The following B3GALT1 variants were observed in gnomAD, a reference collection of about 807,000 sequenced individuals.
The protein encoded by B3GALT1 is beta-1,3-galactosyltransferase 1.
A neutral mutation model predicts 23.2 loss-of-function variants in B3GALT1; 10 were observed. That is an observed-to-expected ratio of 0.43 (90% confidence interval 0.27 to 0.73). B3GALT1 has a LOEUF of 0.73. B3GALT1 is among the 30% of genes least tolerant of loss of function. The pLI is 0.21. For synonymous variants in B3GALT1, 156 were observed against 141.5 expected (o/e 1.10, Z -0.73); for missense variants, 299 against 405.4 (o/e 0.74, Z 2.25).
chr2:167,716,225 C>A (rs1041742567), intron 3 of B3GALT1, among the ~76,000 whole-genome samples: 3 of 152,208 alleles, frequency 2.0e-5, no homozygotes, highest in Admixed American at 6.5e-5. Flanking sequence ...ATGCGGGCAC[C>A]CCCCACAGGC....
intron 3 of B3GALT1, among the ~76,000 whole-genome samples, chr2:167,753,269 C>A (rs1381979094): frequency 6.6e-6 from 1 of 152,112 alleles, no homozygotes; most frequent in East Asian, 1.9e-4. Flanking sequence ...AGAGCAATAC[C>A]CAGAGCCATG....
At chr2:167,456,728 G>A (rs886494216) in intron 1 of B3GALT1, among the ~76,000 whole-genome samples, 1 of 152,032 alleles carries the variant, frequency 6.6e-6, no homozygotes, top group Non-Finnish European at 1.5e-5. Flanking sequence ...TACAACGCAA[G>A]AACAGTCAAA....
At chr2:167,837,671 G>T (rs1352889864) in intron 4 of B3GALT1, among the ~76,000 whole-genome samples, 103 of 149,508 alleles carry the variant, frequency 6.9e-4, no homozygotes, top group Admixed American at 6.8e-3. Flanking sequence ...TCTGCACCAA[G>T]CGGACCTAAT....
chr2:167,785,875 T>C (rs1010283536), intron 3 of B3GALT1, among the ~76,000 whole-genome samples: 1 of 152,202 alleles, frequency 6.6e-6, no homozygotes, highest in Admixed American at 6.5e-5. Flanking sequence ...AAGCCCTCTG[T>C]TGGAGGTTGA....
chr2:167,575,153 A>C (rs2105402932), intron 2 of B3GALT1, among the ~76,000 whole-genome samples: 1 of 151,930 alleles, frequency 6.6e-6, no homozygotes, highest in Middle Eastern at 3.4e-3. Context: ...AGGATGAAAT[A>C]AGTAATACAT....
At chr2:167,555,709 A>G (rs1357487973) in intron 2 of B3GALT1, among the ~76,000 whole-genome samples, 4 of 152,176 alleles carry the variant, frequency 2.6e-5, no homozygotes, top group African/African-American at 9.7e-5. Flanking sequence ...GAACTTGAGC[A>G]TGTCACATTG....
chr2:167,494,053 G>A (rs1385099559), intron 2 of B3GALT1, among the ~76,000 whole-genome samples: 1 of 152,056 alleles, frequency 6.6e-6, no homozygotes, highest in Non-Finnish European at 1.5e-5. Context: ...GAAACCAAGA[G>A]AGTATGCCAA....
chr2:167,531,322 G>A (rs1040299572), intron 2 of B3GALT1, among the ~76,000 whole-genome samples: 14 of 152,140 alleles, frequency 9.2e-5, no homozygotes, highest in Admixed American at 9.2e-4. Flanking sequence ...AGGGGATAGA[G>A]CAGAAAGGAT....
intron 3 of B3GALT1, among the ~76,000 whole-genome samples, chr2:167,719,633 T>C (rs1423892350): frequency 6.6e-6 from 1 of 152,076 alleles, no homozygotes; most frequent in African/African-American, 2.4e-5. Flanking sequence ...ACAAAGGTGA[T>C]AGATAAGAAA....
chr2:167,415,630 A>T (rs1446851116), intron 1 of B3GALT1, among the ~76,000 whole-genome samples: 1 of 152,170 alleles, frequency 6.6e-6, no homozygotes, highest in Non-Finnish European at 1.5e-5. Flanking sequence ...TTAGAAGATA[A>T]GAATACTAGG....
At chr2:167,843,670 A>G (rs963849667) in intron 4 of B3GALT1, among the ~76,000 whole-genome samples, 6 of 152,142 alleles carry the variant, frequency 3.9e-5, no homozygotes, top group African/African-American at 1.4e-4. Flanking sequence ...ATCACATACT[A>G]TTGTCATCCT....
At chr2:167,698,779 C>T (rs936694496) in intron 3 of B3GALT1, among the ~76,000 whole-genome samples, 3 of 152,148 alleles carry the variant, frequency 2.0e-5, no homozygotes, top group Non-Finnish European at 4.4e-5. Flanking sequence ...AAAACACTGC[C>T]GTTCAATAAG....
intron 2 of B3GALT1, among the ~76,000 whole-genome samples, chr2:167,634,933 C>G (rs772137329): frequency 7.9e-5 from 12 of 152,068 alleles, no homozygotes; most frequent in Non-Finnish European, 2.9e-5. Flanking sequence ...TGAGGAACAT[C>G]AATGCAAAAA....
At chr2:167,789,103 G>A (rs1432262689) in intron 3 of B3GALT1, among the ~76,000 whole-genome samples, 11 of 152,158 alleles carry the variant, frequency 7.2e-5, no homozygotes, top group Non-Finnish European at 1.2e-4. Flanking sequence ...ATTGGTGCGA[G>A]CCATTAACTC....
chr2:167,809,679 T>A (rs1302570160), intron 3 of B3GALT1, among the ~76,000 whole-genome samples: 1 of 152,168 alleles, frequency 6.6e-6, no homozygotes, highest in African/African-American at 2.4e-5. Flanking sequence ...CCGTATGAGG[T>A]GTCAGTCTGC....
Position 167,865,360 on chromosome 2 carries a change from A to G in B3GALT1, c.-229-3451A>G, listed in dbSNP as rs561533862. 1.1e-4 allele frequency among the ~76,000 whole-genome samples: 17 copies of G among 152,236 alleles called. 1 individual carries two copies. In the East Asian group the frequency reaches 1.4e-3, roughly 12 times the overall value. On this transcript the variant is annotated intron_variant, in intron 4 of 4. Coordinates refer to ENST00000392690, the MANE Select transcript of B3GALT1 (RefSeq NM_020981.4). ...GGAGGTTTCAGTGAGCCAAGATCGCATTGTCGCACTCCAGCCTGGGTGACA... is the reference window on the plus strand; with the variant it reads ...GGAGGTTTCAGTGAGCCAAGATCGCGTTGTCGCACTCCAGCCTGGGTGACA...
At chr2:167,564,717 C>T (rs575102143) in intron 2 of B3GALT1, among the ~76,000 whole-genome samples, 3 of 152,220 alleles carry the variant, frequency 2.0e-5, no homozygotes, top group African/African-American at 4.8e-5. Flanking sequence ...ACACCAATAA[C>T]AGACAGACAG....
At chr2:167,816,802 T>C (rs1689000702) in intron 3 of B3GALT1, among the ~76,000 whole-genome samples, 1 of 152,244 alleles carries the variant, frequency 6.6e-6, no homozygotes, top group South Asian at 2.1e-4. Flanking sequence ...ATCAATATTA[T>C]TAAGCAAATA....
At chr2:167,418,715 T>G (rs1698503961) in intron 1 of B3GALT1, among the ~76,000 whole-genome samples, 1 of 151,200 alleles carries the variant, frequency 6.6e-6, no homozygotes, top group Non-Finnish European at 1.5e-5. Context: ...TTTACTCTTG[T>G]CGCCCAGGCT....
Sources: gnomAD v4.1 joint callset for allele counts (sites outside exome capture counted in the v4.1 genomes callset) on GRCh38, gnomAD v4.1.1 for gene constraint, MANE v1.5 for transcripts, NCBI Gene and HGNC (gene_info 2026-07-23, HGNC 2026-07-21) for gene names.